Variants in EYS observed in about 807,000 individuals in gnomAD.
EYS encodes the protein EGF-like photoreceptor maintenance factor.
In EYS, 250 loss-of-function variants were observed where a neutral mutation model predicts 282.1. That is an observed-to-expected ratio of 0.89 (90% CI 0.80 to 0.98). The LOEUF is 0.98. Ranked by LOEUF, EYS falls within the 50% of genes least tolerant of loss-of-function variation. The pLI is 0.00. For synonymous variants in EYS, 1,355 were observed against 1,282.9 expected, an observed-to-expected ratio of 1.06 and a Z score of -1.20; for missense variants, 4,016 against 3,709.0, an observed-to-expected ratio of 1.08 and a Z score of -2.15.
At chr6:65,147,717 T>A (rs140480197) in intron 12 of EYS, among the ~76,000 whole-genome samples, 127 of 152,190 alleles carry the variant, frequency 8.3e-4, no homozygotes, top group African/African-American at 2.9e-3. Context: ...ACCTGTTATA[T>A]TAGTCTGTTC....
In EYS at chr6:64,999,378, G is replaced by A. The variant is rs535926766; in HGVS notation, c.2138-1675C>T. ...CATAGTCTTGCTCTTGATTGTTGTT[G>A]TTGTTTTTAACAGAAAATCTAGTCA... On this transcript the variant is annotated intron_variant, in intron 13 of 42. Coordinates refer to ENST00000503581, the MANE Select transcript of EYS (RefSeq NM_001142800.2). 1.1e-4 allele frequency among the ~76,000 whole-genome samples: 16 copies of A among 152,326 alleles called. No homozygotes were observed. In the South Asian group the frequency reaches 3.1e-3, roughly 30 times the overall value.
At chr6:65,200,411 C>A (rs915262527) in intron 12 of EYS, among the ~76,000 whole-genome samples, 1 of 151,442 alleles carries the variant, frequency 6.6e-6, no homozygotes, top group African/African-American at 2.4e-5. Flanking sequence ...TTGCTGGACT[C>A]CATGAAGTCC....
chr6:65,065,348 G>T (rs1773712521), intron 12 of EYS, among the ~76,000 whole-genome samples: 1 of 151,544 alleles, frequency 6.6e-6, no homozygotes, highest in African/African-American at 2.4e-5. Flanking sequence ...CAAATCAAAG[G>T]ATTTACTTAA....
At chr6:64,765,045 T>A (rs899703270) in intron 22 of EYS, among the ~76,000 whole-genome samples, 1 of 152,242 alleles carries the variant, frequency 6.6e-6, no homozygotes, top group Non-Finnish European at 1.5e-5. Context: ...CCCTTCCTTC[T>A]TTTTAAATAT....
chr6:65,639,545 A>T (rs529930609), intron 2 of EYS, among the ~76,000 whole-genome samples: 1 of 152,278 alleles, frequency 6.6e-6, no homozygotes, highest in East Asian at 1.9e-4. Flanking sequence ...TAGAATTGTG[A>T]CTACAAAAAT....
At chr6:65,239,468 T>G (rs1767005301) in intron 12 of EYS, among the ~76,000 whole-genome samples, 1 of 152,014 alleles carries the variant, frequency 6.6e-6, no homozygotes, top group Non-Finnish European at 1.5e-5. Context: ...TAATGTAAAT[T>G]TTCATATATT....
intron 22 of EYS, among the ~76,000 whole-genome samples, chr6:64,787,445 A>C (rs551786328): frequency 6.6e-6 from 1 of 151,926 alleles, no homozygotes; most frequent in South Asian, 2.1e-4. Context: ...TATTATTTTT[A>C]AAAACTTTGT....
chr6:65,079,325 A>G (rs139805916), intron 12 of EYS, among the ~76,000 whole-genome samples: 1 of 152,198 alleles, frequency 6.6e-6, no homozygotes, highest in East Asian at 1.9e-4. Flanking sequence ...TTTAATTTAA[A>G]TTAACTTTAA....
At chr6:65,064,410 T>C (rs1456827618) in intron 12 of EYS, among the ~76,000 whole-genome samples, 1 of 145,804 alleles carries the variant, frequency 6.9e-6, no homozygotes, top group East Asian at 2.0e-4. Context: ...ATATCATATA[T>C]ACTATATACC....
intron 35 of EYS, among the ~76,000 whole-genome samples, chr6:63,923,003 G>A (rs557375022): frequency 1.3e-5 from 2 of 152,216 alleles, no homozygotes; most frequent in South Asian, 2.1e-4. Context: ...ATTAGTACTC[G>A]AATGGTGTCT....
chr6:64,141,929 A>T (rs1774350206), intron 31 of EYS, among the ~76,000 whole-genome samples: 1 of 152,160 alleles, frequency 6.6e-6, no homozygotes, highest in Non-Finnish European at 1.5e-5. Context: ...TTTTCCCTTC[A>T]TAATCCCATG....
At chr6:63,737,213 T>A (rs1372477555) in intron 41 of EYS, among the ~76,000 whole-genome samples, 3 of 152,148 alleles carry the variant, frequency 2.0e-5, no homozygotes, top group African/African-American at 7.2e-5. Context: ...AGGATGATAT[T>A]GGCTGTGGGT....
chr6:64,525,838 A>T lies in EYS; in HGVS notation c.5644+64385T>A, dbSNP rs193054360. On this transcript the variant is annotated intron_variant, in intron 26 of 42. Transcript: ENST00000503581. ...TTCTTAAAAAACTAACCATGCAACT[A>T]CCATATGATCCAGAAATTGTACTCC... Among the ~76,000 whole-genome samples the T allele has an allele frequency of 5.5e-4, 83 of 151,906 alleles. 1 individual carries two copies. In the East Asian group the frequency reaches 0.015, roughly 27 times the overall value.
At chr6:64,177,773 T>C (rs1361664996) in intron 31 of EYS, among the ~76,000 whole-genome samples, 2 of 152,188 alleles carry the variant, frequency 1.3e-5, no homozygotes, top group East Asian at 3.9e-4. Flanking sequence ...ATTTCTCTGA[T>C]ACTTTAGATG....
intron 5 of EYS, among the ~76,000 whole-genome samples, chr6:65,470,819 A>G (rs900936498): frequency 6.6e-6 from 1 of 152,128 alleles, no homozygotes; most frequent in African/African-American, 2.4e-5. Context: ...CTACACGCCA[A>G]AGTCACTTAA....
intron 12 of EYS, among the ~76,000 whole-genome samples, chr6:65,282,359 G>A (rs1453500630): frequency 6.6e-6 from 1 of 151,632 alleles, no homozygotes; most frequent in Non-Finnish European, 1.5e-5. Flanking sequence ...AAAAAGTACC[G>A]ATTTACAATT....
At chr6:65,069,669 C>T (rs369772184) in intron 12 of EYS, among the ~76,000 whole-genome samples, 3 of 151,706 alleles carry the variant, frequency 2.0e-5, no homozygotes, top group South Asian at 4.1e-4. Flanking sequence ...GGCTCTCTTT[C>T]TCCTCTCAAT....
At chr6:65,479,883 T>G (rs1765545159) in intron 5 of EYS, among the ~76,000 whole-genome samples, 1 of 151,718 alleles carries the variant, frequency 6.6e-6, no homozygotes, top group Non-Finnish European at 1.5e-5. Flanking sequence ...ATGCTGGGTG[T>G]GGTGGCTCAC....
intron 41 of EYS, among the ~76,000 whole-genome samples, chr6:63,755,158 A>T (rs757530700): frequency 6.6e-6 from 1 of 152,022 alleles, no homozygotes; most frequent in Non-Finnish European, 1.5e-5. Flanking sequence ...CACTCTGATG[A>T]TAGTTTCTTT....
Sources: gnomAD v4.1 joint callset for allele counts (sites outside exome capture counted in the v4.1 genomes callset) on GRCh38, gnomAD v4.1.1 for gene constraint, MANE v1.5 for transcripts, NCBI Gene and HGNC (gene_info 2026-07-23, HGNC 2026-07-21) for gene names.